Variants in CSMD1 observed in about 807,000 individuals in gnomAD.
CSMD1 encodes CUB and sushi domain-containing protein 1.
In CSMD1, 213 loss-of-function variants were observed where a neutral mutation model predicts 417.5. The ratio of observed to expected loss-of-function variants is 0.51; its 90% CI spans 0.46 to 0.57. CSMD1 has a LOEUF of 0.57. Ranked by LOEUF, CSMD1 falls within the 20% of genes least tolerant of loss-of-function variation. CSMD1 has a pLI of 0.00. For missense variants in CSMD1, 6,923 were observed against 4,529.7 expected (o/e 1.53, Z -15.17); for synonymous variants, 2,862 against 1,736.8 (o/e 1.65, Z -16.11).
At chr8:4,333,183 G>C (rs766557672) in intron 3 of CSMD1, among the ~76,000 whole-genome samples, 2 of 152,084 alleles carry the variant, frequency 1.3e-5, no homozygotes, top group African/African-American at 4.8e-5. Context: ...CGCAAGTTGG[G>C]ATATCATGCC....
intron 6 of CSMD1, among the ~76,000 whole-genome samples, chr8:3,743,614 C>G (rs2720842): frequency 0.13 from 19,184 of 152,136 alleles, 1,246 homozygotes; most frequent in Middle Eastern, 0.15. Flanking sequence ...AACTAGGTCT[C>G]GAAAACCTTC....
intron 5 of CSMD1, among the ~76,000 whole-genome samples, chr8:3,864,933 C>T (rs902428047): frequency 6.6e-6 from 1 of 152,220 alleles, no homozygotes; most frequent in African/African-American, 2.4e-5. Flanking sequence ...TCTCGGACTT[C>T]TGTTCTGGGT....
intron 10 of CSMD1, among the ~76,000 whole-genome samples, chr8:3,559,774 A>G (rs974316085): frequency 6.6e-6 from 1 of 152,210 alleles, no homozygotes; most frequent in Non-Finnish European, 1.5e-5. Flanking sequence ...ATTGTGGAAG[A>G]TAAATTAGAA....
chr8:4,249,981 C>G (rs1563335407), intron 3 of CSMD1, among the ~76,000 whole-genome samples: 1 of 152,026 alleles, frequency 6.6e-6, no homozygotes, highest in Admixed American at 6.6e-5. Flanking sequence ...TAAAGAGGAG[C>G]TGGGACCTAC....
intron 22 of CSMD1, among the ~76,000 whole-genome samples, chr8:3,343,921 G>A (rs1344854074): frequency 6.6e-6 from 1 of 152,142 alleles, no homozygotes; most frequent in African/African-American, 2.4e-5. Context: ...ACAACAAGAT[G>A]TGCCGGAATC....
intron 7 of CSMD1, among the ~76,000 whole-genome samples, chr8:3,650,512 G>A (rs1472647394): frequency 6.6e-6 from 1 of 152,134 alleles, no homozygotes; most frequent in South Asian, 2.1e-4. Context: ...GGGCTACTGA[G>A]CCTTCATTCT....
intron 5 of CSMD1, among the ~76,000 whole-genome samples, chr8:3,801,240 G>C (rs998944882): frequency 3.3e-5 from 5 of 150,782 alleles, no homozygotes; most frequent in African/African-American, 9.8e-5. Context: ...AGAATATATA[G>C]AGAGAACTTA....
intron 7 of CSMD1, among the ~76,000 whole-genome samples, chr8:3,643,832 T>G (rs989077124): frequency 3.3e-5 from 5 of 152,102 alleles, no homozygotes; most frequent in African/African-American, 1.2e-4. Flanking sequence ...TTAAGTTAAT[T>G]AAGCTACCTA....
intron 1 of CSMD1, among the ~76,000 whole-genome samples, chr8:4,760,328 G>T (rs140262744): frequency 6.7e-4 from 102 of 152,284 alleles, no homozygotes; most frequent in African/African-American, 2.4e-3. Flanking sequence ...CTTCTGTGCT[G>T]GTTTCCTAGT....
chr8:4,779,638 G>A (rs975183527), intron 1 of CSMD1, among the ~76,000 whole-genome samples: 9 of 152,158 alleles, frequency 5.9e-5, no homozygotes, highest in Admixed American at 4.6e-4. Flanking sequence ...AGCTTCTCTG[G>A]CAAGCTGGCT....
chr8:3,905,688 C>A (rs896319689), intron 5 of CSMD1, among the ~76,000 whole-genome samples: 3 of 152,186 alleles, frequency 2.0e-5, no homozygotes, highest in African/African-American at 7.2e-5. Context: ...TCTTTGAGAA[C>A]CACACTCAGT....
chr8:4,800,141 A>G (rs1798197375), intron 1 of CSMD1, among the ~76,000 whole-genome samples: 1 of 152,210 alleles, frequency 6.6e-6, no homozygotes, highest in Non-Finnish European at 1.5e-5. Flanking sequence ...TGTTATTAAT[A>G]CAAGAAAGGA....
intron 1 of CSMD1, among the ~76,000 whole-genome samples, chr8:4,745,384 T>G (rs968912070): frequency 1.3e-5 from 2 of 152,176 alleles, no homozygotes; most frequent in African/African-American, 4.8e-5. Flanking sequence ...GCACCTAAGC[T>G]TTAATAAGTA....
chr8:3,259,261 G>C (rs755842369), intron 26 of CSMD1, among the ~76,000 whole-genome samples: 1 of 152,212 alleles, frequency 6.6e-6, no homozygotes, highest in Non-Finnish European at 1.5e-5. Flanking sequence ...CAGAATGGAA[G>C]ACGTATGCAT....
intron 18 of CSMD1, among the ~76,000 whole-genome samples, chr8:3,381,431 A>C (rs1016991517): frequency 2.6e-5 from 4 of 152,214 alleles, no homozygotes; most frequent in Non-Finnish European, 5.9e-5. Flanking sequence ...TTATTGATAC[A>C]ATTAACTTAT....
intron 8 of CSMD1, 71 bp downstream of exon 8, chr8:3,616,639 T>A: frequency 1.0e-6 from 1 of 1,001,664 alleles, no homozygotes. Flanking sequence ...AGAGTTAAAT[T>A]TAACTGCAAG....
chr8:4,128,391 G>C (rs1299988047), intron 3 of CSMD1, among the ~76,000 whole-genome samples: 1 of 152,088 alleles, frequency 6.6e-6, no homozygotes, highest in Non-Finnish European at 1.5e-5. Context: ...CCTTCGATTT[G>C]GAACTAAAAC....
At chr8:3,332,951 T>C (rs1807002450) in intron 23 of CSMD1, among the ~76,000 whole-genome samples, 1 of 152,164 alleles carries the variant, frequency 6.6e-6, no homozygotes, top group Admixed American at 6.5e-5. Context: ...TTTGTCAAGA[T>C]ACGGAGCCTG....
At chr8:4,702,962 C>T (rs1260289350) in intron 1 of CSMD1, among the ~76,000 whole-genome samples, 1 of 152,066 alleles carries the variant, frequency 6.6e-6, no homozygotes, top group Non-Finnish European at 1.5e-5. Flanking sequence ...TCAAAATATA[C>T]TTTTAAAAGT....
Sources: gnomAD v4.1 joint callset for allele counts (sites outside exome capture counted in the v4.1 genomes callset) on GRCh38, gnomAD v4.1.1 for gene constraint, MANE v1.5 for transcripts, NCBI Gene and HGNC (gene_info 2026-07-23, HGNC 2026-07-21) for gene names.